Variants in CDKAL1 observed in about 807,000 individuals in gnomAD.
CDKAL1 encodes CDKAL1 threonylcarbamoyladenosine tRNA methylthiotransferase, also known as threonylcarbamoyladenosine tRNA methylthiotransferase.
A neutral mutation model predicts 68.2 loss-of-function variants in CDKAL1; 32 were observed. The observed-to-expected ratio is 0.47, with a 90% CI of 0.35 to 0.63. CDKAL1 has a LOEUF of 0.63. CDKAL1 is among the 30% of genes least tolerant of loss of function. CDKAL1 has a pLI of 0.00. For missense variants in CDKAL1, 606 were observed against 696.7 expected, an observed-to-expected ratio of 0.87 and a Z score of 1.47; for synonymous variants, 234 against 244.3, an observed-to-expected ratio of 0.96 and a Z score of 0.39.
chr6:20,996,164 AG>A (rs1435462264), intron 10 of CDKAL1, among the ~76,000 whole-genome samples: 1 of 152,242 alleles, frequency 6.6e-6, no homozygotes. Context: ...TTTGTGCTTA[AG>A]GGAATGTTGT....
intron 8 of CDKAL1, among the ~76,000 whole-genome samples, chr6:20,832,373 G>T (rs1256292451): frequency 6.6e-6 from 1 of 151,342 alleles, no homozygotes; most frequent in African/African-American, 2.4e-5. Flanking sequence ...AATCTCAAAT[G>T]ATCAAATGAA....
chr6:20,914,329 G>T (rs138150404), intron 9 of CDKAL1, among the ~76,000 whole-genome samples: 3 of 151,888 alleles, frequency 2.0e-5, no homozygotes, highest in African/African-American at 4.8e-5. Flanking sequence ...TGTTATACCC[G>T]CATGCCATTT....
chr6:20,673,348 A>T (rs1769939081), intron 5 of CDKAL1, among the ~76,000 whole-genome samples: 1 of 152,192 alleles, frequency 6.6e-6, no homozygotes, highest in Non-Finnish European at 1.5e-5. Context: ...CACATAACCT[A>T]TGCATATTCT....
intron 4 of CDKAL1, among the ~76,000 whole-genome samples, chr6:20,604,809 C>T (rs1187961487): frequency 6.6e-6 from 1 of 152,232 alleles, no homozygotes; most frequent in Non-Finnish European, 1.5e-5. Flanking sequence ...TGTGCTGTCT[C>T]TTTGACTCTG....
At chr6:21,081,953 G>A (rs998800277) in intron 12 of CDKAL1, among the ~76,000 whole-genome samples, 7 of 149,296 alleles carry the variant, frequency 4.7e-5, no homozygotes, top group Admixed American at 3.4e-4. Flanking sequence ...TATTTATAAC[G>A]TTCCAAAGGA....
intron 8 of CDKAL1, among the ~76,000 whole-genome samples, chr6:20,816,996 A>C (rs1777074045): frequency 6.6e-6 from 1 of 152,170 alleles, no homozygotes; most frequent in Admixed American, 6.6e-5. Context: ...AGAACACCCA[A>C]AATTCTTTGA....
chr6:21,138,247 G>GTC (rs33951051), intron 13 of CDKAL1, among the ~76,000 whole-genome samples: 9 of 151,994 alleles, frequency 5.9e-5, no homozygotes, highest in Non-Finnish European at 1.2e-4. Context: ...CTGTGTGTGT[G>GTC]TGTGTGTGTA....
At chr6:21,189,072 G>A (rs1778133835) in intron 13 of CDKAL1, among the ~76,000 whole-genome samples, 1 of 152,170 alleles carries the variant, frequency 6.6e-6, no homozygotes, top group South Asian at 2.1e-4. Flanking sequence ...GCCCCCAGCT[G>A]GGAAGAGACT....
intron 9 of CDKAL1, among the ~76,000 whole-genome samples, chr6:20,918,455 A>G (rs1473806417): frequency 1.3e-5 from 2 of 152,228 alleles, no homozygotes; most frequent in Non-Finnish European, 2.9e-5. Flanking sequence ...AGATATTTTT[A>G]TGAGTTTGTG....
At chr6:20,984,681 C>T (rs1022448200) in intron 10 of CDKAL1, among the ~76,000 whole-genome samples, 6 of 152,074 alleles carry the variant, frequency 3.9e-5, no homozygotes, top group Admixed American at 6.5e-5. Context: ...ATCTCCTCTC[C>T]GAAGCTACGC....
intron 8 of CDKAL1, among the ~76,000 whole-genome samples, chr6:20,816,362 A>G (rs1216329867): frequency 6.6e-6 from 1 of 152,112 alleles, no homozygotes; most frequent in Non-Finnish European, 1.5e-5. Flanking sequence ...CATTTCTATC[A>G]GTGAATTTTA....
chr6:20,988,308 A>G (rs1459168754), intron 10 of CDKAL1, among the ~76,000 whole-genome samples: 1 of 151,462 alleles, frequency 6.6e-6, no homozygotes, highest in Non-Finnish European at 1.5e-5. Flanking sequence ...ATGAGGATGG[A>G]TCTTCTTTTA....
chr6:20,902,310 T>TTC (rs1281090938), intron 9 of CDKAL1, among the ~76,000 whole-genome samples: 170 of 99,072 alleles, frequency 1.7e-3, no homozygotes, highest in African/African-American at 6.0e-3. Context: ...ACGTGGTGGA[T>TTC]TCACACACAC....
chr6:20,696,095 A>C (rs1332592429), intron 5 of CDKAL1, among the ~76,000 whole-genome samples: 1 of 152,262 alleles, frequency 6.6e-6, no homozygotes, highest in Non-Finnish European at 1.5e-5. Flanking sequence ...TGCATGGCTT[A>C]AGTTACCAGT....
intron 6 of CDKAL1, among the ~76,000 whole-genome samples, chr6:20,754,901 CTG>C (rs1774101641): frequency 1.3e-5 from 2 of 152,124 alleles, no homozygotes; most frequent in African/African-American, 2.4e-5. Context: ...AGATTTATGG[CTG>C]TGTTTTCTTC....
intron 5 of CDKAL1, among the ~76,000 whole-genome samples, chr6:20,676,443 G>T (rs1007013966): frequency 2.6e-5 from 4 of 151,938 alleles, no homozygotes; most frequent in African/African-American, 9.7e-5. Context: ...CGATGCGTGC[G>T]GGTCATGAGG....
intron 9 of CDKAL1, among the ~76,000 whole-genome samples, chr6:20,913,207 A>T (rs1004436499): frequency 2.6e-5 from 4 of 151,352 alleles, no homozygotes; most frequent in African/African-American, 9.7e-5. Flanking sequence ...TTTATCTCAC[A>T]GTCTCTGTGG....
chr6:20,668,283 G>C (rs1414492518), intron 5 of CDKAL1, among the ~76,000 whole-genome samples: 1 of 152,028 alleles, frequency 6.6e-6, no homozygotes, highest in Non-Finnish European at 1.5e-5. Context: ...GGTAATAATT[G>C]GCATTATAAA....
chr6:20,572,481 A>C (rs943152084), intron 4 of CDKAL1, among the ~76,000 whole-genome samples: 4 of 152,184 alleles, frequency 2.6e-5, no homozygotes, highest in Admixed American at 2.6e-4. Flanking sequence ...CACATAGTCA[A>C]AGTAAATTAA....
Sources: allele counts gnomAD v4.1 joint callset (sites outside exome capture counted in the v4.1 genomes callset), GRCh38; gene constraint gnomAD v4.1.1; transcripts MANE v1.5; gene names NCBI Gene and HGNC (gene_info 2026-07-23, HGNC 2026-07-21).